Variants in NALF1 observed in about 807,000 individuals in gnomAD.
NALF1 encodes the protein NALCN channel auxiliary factor 1.
NALF1 carries 3 observed loss-of-function variants against 48.4 expected under a neutral mutation model. That is an observed-to-expected ratio of 0.06 (90% confidence interval 0.03 to 0.16). The LOEUF (loss-of-function observed/expected upper bound fraction) is 0.16. Among genes scored for constraint, NALF1 ranks in the 10% least tolerant of loss-of-function variants. The pLI is 1.00. For synonymous variants in NALF1, 262 were observed against 245.7 expected (o/e 1.07, Z -0.62); for missense variants, 526 against 571.5 (o/e 0.92, Z 0.81).
intron 1 of NALF1, among the ~76,000 whole-genome samples, chr13:107,473,857 T>C (rs1885137934): frequency 6.6e-6 from 1 of 152,196 alleles, no homozygotes; most frequent in East Asian, 1.9e-4. Context: ...CTGGTTTCAG[T>C]GGCTGTTGGC....
chr13:107,242,323 G>A (rs914151726), intron 1 of NALF1, among the ~76,000 whole-genome samples: 10 of 152,196 alleles, frequency 6.6e-5, no homozygotes, highest in African/African-American at 2.2e-4. Context: ...GGGAGGAGGA[G>A]GCCTCATGCT....
chr13:107,188,536 T>A (rs1011645002), intron 2 of NALF1, among the ~76,000 whole-genome samples: 9 of 152,174 alleles, frequency 5.9e-5, no homozygotes, highest in African/African-American at 1.9e-4. Context: ...AGGGCAAATT[T>A]TAAGTAATTA....
chr13:107,382,061 G>A (rs962414363), intron 1 of NALF1, among the ~76,000 whole-genome samples: 4 of 152,050 alleles, frequency 2.6e-5, no homozygotes, highest in Non-Finnish European at 5.9e-5. Flanking sequence ...TTTCACAATG[G>A]TACTGCTATG....
intron 1 of NALF1, among the ~76,000 whole-genome samples, chr13:107,233,926 A>G (rs568564835): frequency 1.3e-5 from 2 of 152,338 alleles, no homozygotes; most frequent in East Asian, 1.9e-4. Flanking sequence ...AGCTTATTCT[A>G]TTACTACATT....
chr13:107,518,259 T>C (rs867901477), intron 1 of NALF1, among the ~76,000 whole-genome samples: 5 of 151,356 alleles, frequency 3.3e-5, no homozygotes, highest in African/African-American at 9.7e-5. Context: ...TCAAATATTA[T>C]ATTCAAATAA....
At chr13:107,824,843 T>C (rs1397970382) in intron 1 of NALF1, among the ~76,000 whole-genome samples, 1 of 152,204 alleles carries the variant, frequency 6.6e-6, no homozygotes, top group East Asian at 1.9e-4. Flanking sequence ...TCATAAATCA[T>C]GTTTGCTTTG....
intron 1 of NALF1, among the ~76,000 whole-genome samples, chr13:107,723,689 A>G (rs2138529643): frequency 6.6e-6 from 1 of 152,336 alleles, no homozygotes; most frequent in Admixed American, 6.5e-5. Flanking sequence ...AACTTTCTTA[A>G]CGACCTCTTA....
chr13:107,468,588 T>C (rs1885046606), intron 1 of NALF1, among the ~76,000 whole-genome samples: 1 of 152,222 alleles, frequency 6.6e-6, no homozygotes, highest in Non-Finnish European at 1.5e-5. Context: ...ATTTCTATTT[T>C]CAACAGTATA....
chr13:107,473,367 G>C (rs1170506856), intron 1 of NALF1, among the ~76,000 whole-genome samples: 1 of 152,170 alleles, frequency 6.6e-6, no homozygotes, highest in African/African-American at 2.4e-5. Flanking sequence ...GTTAATTTCA[G>C]TAAGCTCCTT....
intron 2 of NALF1, among the ~76,000 whole-genome samples, chr13:107,197,666 G>T (rs979642532): frequency 6.6e-6 from 1 of 152,210 alleles, no homozygotes; most frequent in Admixed American, 6.5e-5. Flanking sequence ...TCACCTGCTG[G>T]AGTGGGGCAG....
chr13:107,443,317 G>T (rs1236912923), intron 1 of NALF1, among the ~76,000 whole-genome samples: 2 of 152,096 alleles, frequency 1.3e-5, no homozygotes, highest in African/African-American at 4.8e-5. Flanking sequence ...CGGGGTTCAA[G>T]TGATTCTCCT....
At chr13:107,599,416 C>T (rs867806348) in intron 1 of NALF1, among the ~76,000 whole-genome samples, 13 of 120,494 alleles carry the variant, frequency 1.1e-4, no homozygotes, top group South Asian at 5.1e-4. Flanking sequence ...AGCGAGACTC[C>T]GTCTCAAAAA....
At chr13:107,485,128 A>G (rs2139064247) in intron 1 of NALF1, among the ~76,000 whole-genome samples, 1 of 152,264 alleles carries the variant, frequency 6.6e-6, no homozygotes, top group Non-Finnish European at 1.5e-5. Flanking sequence ...AGTGTTATGA[A>G]GCAGGGCTGC....
intron 1 of NALF1, among the ~76,000 whole-genome samples, chr13:107,717,049 A>C (rs978999685): frequency 6.6e-6 from 1 of 152,170 alleles, no homozygotes; most frequent in African/African-American, 2.4e-5. Flanking sequence ...TAGCAGGTAG[A>C]TATTTCAACT....
chr13:107,299,204 T>C (rs528588110), intron 1 of NALF1, among the ~76,000 whole-genome samples: 44 of 152,198 alleles, frequency 2.9e-4, no homozygotes, highest in Middle Eastern at 3.4e-3. Context: ...GCGCATCCGA[T>C]TGGAGGGTCA....
chr13:107,413,073 G>C (rs78062316), intron 1 of NALF1, among the ~76,000 whole-genome samples: 7,129 of 152,178 alleles, frequency 0.047, 262 homozygotes, highest in South Asian at 0.14. Flanking sequence ...TAGCCTTCTT[G>C]CCAAAAGCAG....
rs1216225434 is a variant in NALF1 at position 107,380,977 on chromosome 13, CAAAAAAAAAAAA to C, written c.916-170234_916-170223del. 2.6e-4 allele frequency among the ~76,000 whole-genome samples: 14 copies of C among 53,420 alleles called. No homozygotes were observed. The East Asian group carries it at 6.3e-3, about 24-fold the overall frequency. The allele number at this position is 53,420 out of a possible 152,430, so 35.0% of individuals were successfully genotyped here. On this transcript the variant is annotated intron_variant, in intron 1 of 2. Transcript: ENST00000375915. ...TGTGCCACAGAGCCAGACACGGTCT[CAAAAAAAAAAAA>C]AAAAAAGAATACATACATTTTAGTA...
intron 1 of NALF1, among the ~76,000 whole-genome samples, chr13:107,308,116 C>T (rs1051580008): frequency 6.6e-6 from 1 of 151,574 alleles, no homozygotes; most frequent in Non-Finnish European, 1.5e-5. Context: ...AATGGCATTG[C>T]ATTCCTCCAT....
At chr13:107,819,617 A>C (rs1420006452) in intron 1 of NALF1, among the ~76,000 whole-genome samples, 3 of 151,940 alleles carry the variant, frequency 2.0e-5, no homozygotes, top group Non-Finnish European at 4.4e-5. Context: ...AATGACTTAA[A>C]GAATATATTA....
Sources: allele counts gnomAD v4.1 joint callset (sites outside exome capture counted in the v4.1 genomes callset), GRCh38; gene constraint gnomAD v4.1.1; transcripts MANE v1.5; gene names NCBI Gene and HGNC (gene_info 2026-07-23, HGNC 2026-07-21).